WDR27: variants seen among roughly 807,000 people sequenced by gnomAD.
WDR27 encodes WD repeat-containing protein 27.
WDR27 carries 100 observed loss-of-function variants against 114.4 expected under a neutral mutation model. That is an observed-to-expected ratio of 0.87 (90% CI 0.74 to 1.03). WDR27 has a LOEUF of 1.03. Ranked by LOEUF, WDR27 falls within the 50% of genes least tolerant of loss-of-function variation. The pLI, the probability that WDR27 is intolerant of heterozygous loss-of-function variation, is 0.00. For synonymous variants in WDR27, 449 were observed against 423.1 expected (o/e 1.06, Z -0.75); for missense variants, 1,129 against 1,092.9 (o/e 1.03, Z -0.47).
At chr6:169,493,410 G>A (rs1790019258) in intron 25 of WDR27, among the ~76,000 whole-genome samples, 1 of 152,088 alleles carries the variant, frequency 6.6e-6, no homozygotes, top group Non-Finnish European at 1.5e-5. Flanking sequence ...AAAAGTTTAA[G>A]AAATCCACTT....
the WDR27 span, among the ~76,000 whole-genome samples, chr6:169,437,577 T>C: frequency 6.6e-6 from 1 of 152,184 alleles, no homozygotes; most frequent in Non-Finnish European, 1.5e-5. Context: ...CATATCTCAG[T>C]GGCTAGGCTT....
At chr6:169,452,380 T>A (rs1784184605), downstream of WDR27, among the ~76,000 whole-genome samples, 1 of 152,230 alleles carries the variant, frequency 6.6e-6, no homozygotes, top group South Asian at 2.1e-4. Context: ...GGCTGTAGAT[T>A]ACTGACACGC....
chr6:169,562,053 A>G (rs924838337), intron 25 of WDR27, among the ~76,000 whole-genome samples: 9 of 152,238 alleles, frequency 5.9e-5, no homozygotes, highest in East Asian at 1.9e-4. Flanking sequence ...GAAATAAACA[A>G]AACAAAAAAC....
intron 25 of WDR27, among the ~76,000 whole-genome samples, chr6:169,530,445 T>G (rs1006189521): frequency 5.3e-5 from 8 of 152,234 alleles, no homozygotes; most frequent in African/African-American, 1.9e-4. Flanking sequence ...TATCAACATT[T>G]ACAAATGCTG....
chr6:169,627,233 T>C (rs1277650161), intron 21 of WDR27, among the ~76,000 whole-genome samples: 1 of 152,220 alleles, frequency 6.6e-6, no homozygotes, highest in Non-Finnish European at 1.5e-5. Context: ...TGAAAATAAA[T>C]GTATTACAAT....
chr6:169,672,432 G>C (rs1328219580), intron 2 of WDR27, 36 bp from the exon 3 acceptor site: 1 of 1,531,656 alleles, frequency 6.5e-7, no homozygotes. Flanking sequence ...ACAGATCACA[G>C]ACATTTAAAA....
intron 25 of WDR27, among the ~76,000 whole-genome samples, chr6:169,570,231 G>A (rs1308477022): frequency 1.3e-5 from 2 of 152,166 alleles, no homozygotes; most frequent in East Asian, 1.9e-4. Context: ...TTTAGTCAAC[G>A]AGAAAGACCT....
At position 169,659,326 on chromosome 6, in the gene WDR27, C is replaced by A; in HGVS notation, c.1198-119G>T. 6.4e-7 allele frequency: 1 copy of A among 1,562,364 alleles called. No individual in the cohort carries two copies. The highest frequency in any genetic ancestry group is 1.2e-5 in the South Asian group (1 of 84,104). On this transcript the variant is annotated intron_variant, in intron 11 of 25. Coordinates refer to ENST00000448612, the MANE Select transcript of WDR27 (RefSeq NM_182552.5). This position sits in a 1 kb window ranked among gnomAD's most constrained non-coding sequence, Gnocchi z 4.3. ...TCTCATAGCAGCGACATCGCCCTGT[C>A]ACTCCTAAAACGTTTTTACACACAA...
At chr6:169,533,246 G>A (rs1250177078) in intron 25 of WDR27, among the ~76,000 whole-genome samples, 1 of 140,708 alleles carries the variant, frequency 7.1e-6, no homozygotes, top group Non-Finnish European at 1.6e-5. Flanking sequence ...AGCGTGGCAT[G>A]GAAGGAGGGA....
In WDR27 at chr6:169,672,636, G is replaced by A. The variant is rs140805599; in HGVS notation, c.190-240C>T. Among the ~76,000 whole-genome samples the A allele has an allele frequency of 7.7e-3, 1,126 of 145,864 alleles. 10 individuals carry two copies. The highest frequency in any genetic ancestry group is 0.012 in the African/African-American group (468 of 37,868). ...CTAATAAAAAGATACAGGCTACCTC[G>A]TTCTTCCATTTATCACTTATTAGTT... On this transcript the variant is annotated intron_variant, in intron 2 of 25. Coordinates refer to ENST00000448612, the MANE Select transcript of WDR27 (RefSeq NM_182552.5).
chr6:169,541,314 T>C lies in WDR27; in HGVS notation c.2645+31105A>G, dbSNP rs566912767. On this transcript the variant is annotated intron_variant, in intron 25 of 25. Transcript: ENST00000448612. ...ACTATAAGAAAAACTTCCAGATTCA[T>C]AAAAAAGGACACAAATCTATATCCT... is the stretch of plus-strand genomic sequence containing the variant. 2.0e-5 allele frequency among the ~76,000 whole-genome samples: 3 copies of C among 152,158 alleles called. No homozygotes were observed. In the East Asian group the frequency reaches 5.8e-4, roughly 29 times the overall value.
At position 169,623,775 on chromosome 6, in the gene WDR27, C is replaced by T. The variant is rs145947764; in HGVS notation, c.2223+9172G>A. On this transcript the variant is annotated intron_variant, in intron 21 of 25. Transcript: ENST00000448612. ...GTACAGCATGGTGTTTTGACACACA[C>T]GTGAGGCCCCAATCATGGGATTTAG... 9.8e-5 allele frequency among the ~76,000 whole-genome samples: 15 copies of T among 152,304 alleles called. No individual in the cohort carries two copies. The East Asian group carries it at 1.3e-3, about 14-fold the overall frequency.
intron 15 of WDR27, among the ~76,000 whole-genome samples, chr6:169,648,291 G>A (rs887751183): frequency 1.3e-5 from 2 of 152,086 alleles, no homozygotes; most frequent in African/African-American, 2.4e-5. Flanking sequence ...AATGCCTTCC[G>A]TGCACACGCC....
downstream of WDR27, among the ~76,000 whole-genome samples, chr6:169,455,061 C>T (rs1317520258): frequency 1.3e-5 from 2 of 152,216 alleles, no homozygotes; most frequent in Admixed American, 6.5e-5. Context: ...ACCTGAGCGC[C>T]CTGGCCTGCA....
intron 13 of WDR27, chr6:169,657,956 A>G: frequency 4.5e-6 from 1 of 224,176 alleles, no homozygotes; most frequent in Non-Finnish European, 9.2e-6. Context: ...GGGGAAAAAA[A>G]TGTTCTCACA....
At chr6:169,549,318 A>C (rs1221727725) in intron 25 of WDR27, among the ~76,000 whole-genome samples, 1 of 150,864 alleles carries the variant, frequency 6.6e-6, no homozygotes, top group Non-Finnish European at 1.5e-5. Context: ...TTAAACAACA[A>C]TGAGATTATT....
rs543667937 is a variant in WDR27 at position 169,507,388 on chromosome 6, G to A, written c.2646-49754C>T. Reference sequence around the variant, plus strand: ...ACAGTGGTTCTGGGCACACGGCTGGGCACGCTCTGCTTCATAGATGTTCTC... The same window carrying A: ...ACAGTGGTTCTGGGCACACGGCTGGACACGCTCTGCTTCATAGATGTTCTC... On this transcript the variant is annotated intron_variant, in intron 25 of 25. Coordinates refer to ENST00000448612, the MANE Select transcript of WDR27 (RefSeq NM_182552.5). Among the ~76,000 whole-genome samples the A allele has an allele frequency of 9.8e-5, 15 of 152,304 alleles. No homozygotes were observed. The East Asian group carries it at 2.9e-3, about 29-fold the overall frequency.
At chr6:169,619,637 T>C (rs1325873830) in intron 21 of WDR27, among the ~76,000 whole-genome samples, 1 of 152,202 alleles carries the variant, frequency 6.6e-6, no homozygotes, top group Admixed American at 6.5e-5. Context: ...GTAAACATTT[T>C]CTGGTTGACA....
At chr6:169,461,138 A>G (rs1037815811) in intron 25 of WDR27, among the ~76,000 whole-genome samples, 2 of 152,224 alleles carry the variant, frequency 1.3e-5, no homozygotes, top group African/African-American at 4.8e-5. Context: ...AAAAACTAGT[A>G]GAATTTAAGG....
Sources: allele counts gnomAD v4.1 joint callset (sites outside exome capture counted in the v4.1 genomes callset), GRCh38; gene constraint gnomAD v4.1.1; non-coding constraint Gnocchi (gnomAD v3.1); transcripts MANE v1.5; gene names NCBI Gene and HGNC (gene_info 2026-07-23, HGNC 2026-07-21).